SH3D19: variants seen among roughly 807,000 people sequenced by gnomAD.
SH3D19 encodes the protein SH3 domain-containing protein 19.
Under a neutral mutation model 112.1 loss-of-function variants are expected in SH3D19, and 58 were observed. That is an observed-to-expected ratio of 0.52 (90% CI 0.42 to 0.64). The LOEUF (loss-of-function observed/expected upper bound fraction) is 0.64, where lower values mean the gene tolerates loss of function less well. Ranked by LOEUF, SH3D19 falls within the 30% of genes least tolerant of loss-of-function variation. The pLI, the probability that SH3D19 is intolerant of heterozygous loss-of-function variation, is 0.00. For synonymous variants in SH3D19, 391 were observed against 448.5 expected (o/e 0.87, Z 1.62); for missense variants, 1,090 against 1,263.4 (o/e 0.86, Z 2.08).
Position 151,175,110 on chromosome 4 carries a change from G to T in SH3D19, c.1094C>A (p.Thr365Asn). 1.2e-6 allele frequency: 2 copies of T among 1,614,156 alleles called. No individual in the cohort carries two copies. The highest frequency in any genetic ancestry group is 1.7e-6 in the Non-Finnish European group (2 of 1,180,046). Residue 365 changes from threonine (T) to asparagine (N), a missense_variant, in exon 7 of 20, where the codon ACC becomes AAC. Physicochemically the swap from Thr to Asn is moderately conservative, Grantham distance 65. Coordinates refer to ENST00000604030, the MANE Select transcript of SH3D19 (RefSeq NM_001378122.1). ...CGCTTCTTGCAGGGGAGGGTATGGG[G>T]TGAGTCCTTCCTTGGAGGTCACCTT... ...RLKVTSKEGL[T>N]PYPPLQEAGS...
rs574434692 is a variant in SH3D19, at chr4:151,325,156, AGC to A, written c.112+83_112+84del. The A allele has an allele frequency of 9.4e-5, 65 of 695,152 alleles. No homozygotes were observed. In the South Asian group the frequency reaches 4.4e-3, roughly 47 times the overall value. The allele number at this position is 695,152 out of a possible 1,614,324, so 43.1% of individuals were successfully genotyped here. A position where few individuals can be genotyped will look rare whatever the true frequency, so the allele number is the denominator to read the frequency against. ...CCGGTCCCATCCCGGCGCGTGAAGG[AGC>A]TGCCGCTGTGTGGGGCAGGACCCGA... On this transcript the variant is annotated intron_variant, in intron 1 of 19. Coordinates refer to ENST00000604030, the MANE Select transcript of SH3D19 (RefSeq NM_001378122.1).
intron 12 of SH3D19, chr4:151,140,528 T>C (rs968262746): frequency 1.3e-5 from 2 of 152,250 alleles, no homozygotes; most frequent in African/African-American, 2.4e-5. Flanking sequence ...AATGCCGAGA[T>C]TGGCCAGAGG....
chr4:151,254,712 T>C (rs1243332288), intron 1 of SH3D19, among the ~76,000 whole-genome samples: 1 of 150,376 alleles, frequency 6.6e-6, no homozygotes, highest in Non-Finnish European at 1.5e-5. Context: ...AAGTCTCCCA[T>C]GTCTACTTCT....
chr4:151,153,637 T>G (rs1485868366), intron 9 of SH3D19, among the ~76,000 whole-genome samples: 2 of 152,226 alleles, frequency 1.3e-5, no homozygotes, highest in African/African-American at 4.8e-5. Context: ...AGGCACAGAT[T>G]GACTTTCAGG....
At position 151,175,402 on chromosome 4, in the gene SH3D19, G is replaced by A; in HGVS notation, c.802C>T (p.Leu268=). The part of the protein sequence containing the change: ...EESSPGRPQS[L]LDNASTSDSQ... ...TCTGAGGTGCTAGCGTTGTCCAGCAGAGACTGGGGCCGGCCTGGGGATGAC... is the reference window on the plus strand; with the variant it reads ...TCTGAGGTGCTAGCGTTGTCCAGCAAAGACTGGGGCCGGCCTGGGGATGAC... Residue 268 remains leucine (L), a synonymous_variant, in exon 7 of 20, where the codon CTG becomes TTG. Transcript: ENST00000604030. The A allele has an allele frequency of 1.3e-6, 2 of 1,560,034 alleles. No individual in the cohort carries two copies. Among genetic ancestry groups the A allele is most frequent in the Non-Finnish European group, 8.7e-7 (1 of 1,154,686 alleles).
At chr4:151,200,116 T>C (rs1223299980) in intron 2 of SH3D19, among the ~76,000 whole-genome samples, 1 of 152,208 alleles carries the variant, frequency 6.6e-6, no homozygotes, top group Non-Finnish European at 1.5e-5. Context: ...GTGTCTTATC[T>C]TGAACTTCCC....
intron 1 of SH3D19, among the ~76,000 whole-genome samples, chr4:151,270,348 G>A (rs982347709): frequency 6.6e-6 from 1 of 152,192 alleles, no homozygotes; most frequent in South Asian, 2.1e-4. Context: ...TGTTCATTAA[G>A]TGTATGGCAC....
At chr4:151,265,174 A>G (rs1772679005) in intron 1 of SH3D19, among the ~76,000 whole-genome samples, 1 of 152,246 alleles carries the variant, frequency 6.6e-6, no homozygotes, top group Admixed American at 6.5e-5. Context: ...AATTATAAGC[A>G]GGATAAAGAA....
intron 6 of SH3D19, among the ~76,000 whole-genome samples, chr4:151,176,232 T>A (rs896229300): frequency 6.6e-6 from 1 of 152,204 alleles, no homozygotes; most frequent in Admixed American, 6.5e-5. Flanking sequence ...TTGCTAAATA[T>A]AAGATCCTTC....
chr4:151,273,589 C>CAAAAAAAAAAAAAA (rs60600816), intron 1 of SH3D19, among the ~76,000 whole-genome samples: 7 of 64,640 alleles, frequency 1.1e-4, no homozygotes, highest in East Asian at 9.5e-4. Flanking sequence ...GACTCCATCT[C>CAAAAAAAAAAAAAA]AAAAAAAAAA....
At chr4:151,279,821 C>G in intron 1 of SH3D19, 1 of 1,613,882 alleles carries the variant, frequency 6.2e-7, no homozygotes, top group Non-Finnish European at 8.5e-7. Context: ...TATACTCCAG[C>G]CGCGTTGTAG....
intron 1 of SH3D19, among the ~76,000 whole-genome samples, chr4:151,300,910 A>T (rs767261824): frequency 6.6e-6 from 1 of 152,224 alleles, no homozygotes; most frequent in Non-Finnish European, 1.5e-5. Context: ...GAATCTGGTA[A>T]TTGACTGACT....
intron 2 of SH3D19, among the ~76,000 whole-genome samples, chr4:151,210,593 G>A (rs1012884145): frequency 1.4e-4 from 21 of 151,886 alleles, no homozygotes; most frequent in Non-Finnish European, 1.9e-4. Flanking sequence ...TAGTAGAGAT[G>A]GGGTTTCAGG....
intron 1 of SH3D19, among the ~76,000 whole-genome samples, chr4:151,268,323 T>C (rs1772966411): frequency 1.3e-5 from 2 of 152,186 alleles, no homozygotes; most frequent in South Asian, 4.1e-4. Flanking sequence ...CTTGCGGGAA[T>C]AGAAGTTGCT....
intron 1 of SH3D19, among the ~76,000 whole-genome samples, chr4:151,270,136 G>A (rs887902850): frequency 6.6e-6 from 1 of 151,876 alleles, no homozygotes; most frequent in African/African-American, 2.4e-5. Flanking sequence ...ACATAAAGAA[G>A]TAACATACTC....
At chr4:151,286,970 AT>A (rs2150014361) in intron 1 of SH3D19, among the ~76,000 whole-genome samples, 1 of 139,362 alleles carries the variant, frequency 7.2e-6, no homozygotes, top group South Asian at 2.2e-4. Context: ...ACAGAGTGAG[AT>A]TCTGTCTCAA....
chr4:151,314,333 TC>T (rs1326489054), intron 1 of SH3D19, among the ~76,000 whole-genome samples: 1 of 152,218 alleles, frequency 6.6e-6, no homozygotes, highest in Non-Finnish European at 1.5e-5. Flanking sequence ...TTGGTACCCT[TC>T]CACTTGCCCA....
intron 1 of SH3D19, among the ~76,000 whole-genome samples, chr4:151,314,723 G>C (rs1011977705): frequency 2.6e-5 from 4 of 152,182 alleles, no homozygotes; most frequent in African/African-American, 9.7e-5. Context: ...CTAAGTAAAG[G>C]AGGAGGCAGG....
intron 1 of SH3D19, chr4:151,226,510 C>A: frequency 5.1e-6 from 5 of 982,714 alleles, no homozygotes; most frequent in Middle Eastern, 1.0e-3. Context: ...GAAAAATGAG[C>A]AGTCAGCTAC....
Sources: gnomAD v4.1 joint callset for allele counts (sites outside exome capture counted in the v4.1 genomes callset) on GRCh38, gnomAD v4.1.1 for gene constraint, MANE v1.5 for transcripts, NCBI Gene and HGNC (gene_info 2026-07-23, HGNC 2026-07-21) for gene names.